The following DMC1 variants were observed in gnomAD, a reference collection of about 807,000 sequenced individuals.
DMC1 encodes the protein DNA meiotic recombinase 1.
Under a neutral mutation model 50.1 loss-of-function variants are expected in DMC1, and 27 were observed. The observed-to-expected ratio is 0.54, with a 90% CI of 0.40 to 0.74. DMC1 has a LOEUF of 0.74. DMC1 is among the 30% of genes least tolerant of loss of function. DMC1 has a pLI of 0.00. For synonymous variants in DMC1, 148 were observed against 136.1 expected (o/e 1.09, Z -0.61); for missense variants, 295 against 420.2 (o/e 0.70, Z 2.60).
intron 12 of DMC1, among the ~76,000 whole-genome samples, chr22:38,522,906 A>C (rs1269577150): frequency 6.6e-6 from 1 of 152,092 alleles, no homozygotes; most frequent in Non-Finnish European, 1.5e-5. Flanking sequence ...AATGGCTCAG[A>C]GGTTAGGACC....
chr22:38,568,774 A>T (rs1456967818), intron 1 of DMC1, among the ~76,000 whole-genome samples: 1 of 152,194 alleles, frequency 6.6e-6, no homozygotes, highest in Admixed American at 6.5e-5. Flanking sequence ...CTCATCTATG[A>T]TGAATGCCTT....
the DMC1 span, among the ~76,000 whole-genome samples, chr22:38,509,369 G>A: frequency 1.3e-5 from 2 of 152,062 alleles, no homozygotes; most frequent in African/African-American, 2.4e-5. Context: ...CCATGTGTCC[G>A]TGTCCTCTTC....
chr22:38,555,384 T>G lies in DMC1; in HGVS notation c.352A>C (p.Ser118Arg). 6.2e-7 allele frequency: 1 copy of G among 1,609,494 alleles called. No homozygotes were observed. The change falls in exon 6 of 14, where the codon AGT becomes CGT. Residue 118 changes from serine (S) to arginine (R), a missense_variant. Ser to Arg is a moderately radical substitution (Grantham distance 110, BLOSUM62 -1). Transcript: ENST00000216024. ...CCAAAAGCTTCTGTAATTGCCATAC[T>G]TTCAATTCCACCTCCTAGTAACTTA... Reference protein sequence around the residue: ...FDKLLGGGIESMAITEAFGEF... With the variant: ...FDKLLGGGIERMAITEAFGEF...
At chr22:38,517,501 G>A (rs539828206), downstream of DMC1, among the ~76,000 whole-genome samples, 2 of 152,234 alleles carry the variant, frequency 1.3e-5, no homozygotes, top group Admixed American at 1.3e-4. Context: ...CCCAGGAGGA[G>A]GAGGTTTCAG....
the DMC1 span, among the ~76,000 whole-genome samples, chr22:38,509,827 G>A: frequency 2.0e-5 from 3 of 152,038 alleles, no homozygotes; most frequent in South Asian, 4.2e-4. Context: ...GCGACATGAC[G>A]CTAATTTTTA....
chr22:38,547,800 A>G (rs2090360165), intron 8 of DMC1, among the ~76,000 whole-genome samples: 1 of 152,068 alleles, frequency 6.6e-6, no homozygotes, highest in African/African-American at 2.4e-5. Flanking sequence ...CAGCCTCCCA[A>G]AGTGCTGGGA....
chr22:38,565,657 C>G (rs1226038405), intron 4 of DMC1, among the ~76,000 whole-genome samples: 1 of 152,236 alleles, frequency 6.6e-6, no homozygotes, highest in Non-Finnish European at 1.5e-5. Context: ...ACACCACTGG[C>G]TCACCTTTGG....
intron 12 of DMC1, among the ~76,000 whole-genome samples, chr22:38,522,845 T>G (rs933468130): frequency 1.6e-4 from 24 of 152,198 alleles, no homozygotes; most frequent in African/African-American, 5.8e-4. Flanking sequence ...TTGGTCGGGA[T>G]AAGAAGCTCT....
chr22:38,562,504 GC>G, intron 4 of DMC1, 135 bp from the exon 5 acceptor site: 2 of 674,608 alleles, frequency 3.0e-6, no homozygotes, highest in Non-Finnish European at 5.2e-6. Context: ...GTCCTTGAAG[GC>G]AGTACAAGAT....
At position 38,570,143 on chromosome 22, in the gene DMC1, G is replaced by A. The variant is rs919415222; in HGVS notation, c.-134C>T. ...GGATTCTAACTCGGGCCTAGAACACGGAGCCTGGAGACCCGCGCGCCGTTG... is the reference window on the plus strand; with the variant it reads ...GGATTCTAACTCGGGCCTAGAACACAGAGCCTGGAGACCCGCGCGCCGTTG... On this transcript the variant is annotated 5_prime_UTR_variant, in exon 1 of 14. Transcript: ENST00000216024. 1.3e-5 allele frequency: 2 copies of A among 152,090 alleles called. No homozygotes were observed. The highest frequency in any genetic ancestry group is 4.8e-5 in the African/African-American group (2 of 41,342). The allele number at this position is 152,090 out of a possible 1,614,324, so 9.4% of individuals were successfully genotyped here.
At chr22:38,510,107 G>A in the DMC1 span, among the ~76,000 whole-genome samples, 1 of 152,132 alleles carries the variant, frequency 6.6e-6, no homozygotes, top group Non-Finnish European at 1.5e-5. Flanking sequence ...TACTCAGGAG[G>A]CTGAGGCAGG....
At chr22:38,517,714 A>G (rs1442966323), downstream of DMC1, among the ~76,000 whole-genome samples, 1 of 152,272 alleles carries the variant, frequency 6.6e-6, no homozygotes, top group Non-Finnish European at 1.5e-5. Context: ...TTATATTTGC[A>G]TACGAAAATA....
At chr22:38,538,732 G>T in intron 9 of DMC1, 120 bp from the exon 10 acceptor site, 1 of 915,132 alleles carries the variant, frequency 1.1e-6, no homozygotes, top group South Asian at 1.3e-5. Flanking sequence ...AATTATTGAT[G>T]ACTTTATTAA....
intron 6 of DMC1, among the ~76,000 whole-genome samples, chr22:38,554,310 C>T (rs1243588306): frequency 1.3e-5 from 2 of 152,040 alleles, no homozygotes; most frequent in African/African-American, 4.8e-5. Context: ...ACCTACCAAT[C>T]CAGGTCCATT....
downstream of DMC1, among the ~76,000 whole-genome samples, chr22:38,516,050 G>T (rs2089974695): frequency 6.6e-6 from 1 of 152,136 alleles, no homozygotes; most frequent in Admixed American, 6.6e-5. Context: ...GAGAGTGGAG[G>T]ACTGGAAAGC....
chr22:38,543,438 C>T (rs1164228972), intron 8 of DMC1, among the ~76,000 whole-genome samples: 2 of 152,006 alleles, frequency 1.3e-5, no homozygotes, highest in Non-Finnish European at 2.9e-5. Flanking sequence ...ACCATGTTAG[C>T]CAGGATGGTC....
chr22:38,516,611 G>A (rs1330802420), downstream of DMC1, among the ~76,000 whole-genome samples: 3 of 152,058 alleles, frequency 2.0e-5, no homozygotes, highest in Non-Finnish European at 4.4e-5. Flanking sequence ...GCCACAGGAG[G>A]AAAGATAGGA....
intron 13 of DMC1, among the ~76,000 whole-genome samples, 181 bp downstream of exon 13, chr22:38,521,427 C>T (rs1401989435): frequency 5.3e-5 from 8 of 151,712 alleles, no homozygotes; most frequent in Non-Finnish European, 7.4e-5. Context: ...TAATTACAGC[C>T]TTGTGGTGGC....
intron 12 of DMC1, among the ~76,000 whole-genome samples, chr22:38,532,625 C>CT (rs1179534926): frequency 6.6e-4 from 91 of 138,396 alleles, no homozygotes; most frequent in Admixed American, 1.2e-3. Context: ...GTTCACAAGA[C>CT]TTTTTTTTTT....
Sources: allele counts gnomAD v4.1 joint callset (sites outside exome capture counted in the v4.1 genomes callset), GRCh38; gene constraint gnomAD v4.1.1; transcripts MANE v1.5; gene names NCBI Gene and HGNC (gene_info 2026-07-23, HGNC 2026-07-21).